Variants in TERT observed in about 807,000 individuals in gnomAD.
TERT encodes the protein telomerase reverse transcriptase, also known as telomerase catalytic subunit.
In TERT, 42 loss-of-function variants were observed where a neutral mutation model predicts 104.0. The ratio of observed to expected loss-of-function variants is 0.40; its 90% CI spans 0.32 to 0.52. TERT has a LOEUF of 0.52. TERT is among the 20% of genes least tolerant of loss of function. The pLI is 0.43. For synonymous variants in TERT, 781 were observed against 725.6 expected (o/e 1.08, Z -1.23); for missense variants, 1,101 against 1,610.3 (o/e 0.68, Z 5.41).
chr5:1,275,986 C>A (rs1373556482), intron 6 of TERT, among the ~76,000 whole-genome samples: 1 of 147,570 alleles, frequency 6.8e-6, no homozygotes, highest in Non-Finnish European at 1.5e-5. Context: ...CACATAAAAA[C>A]CAACTCCACA....
At chr5:1,282,375 G>C (rs1364129115) in intron 3 of TERT, 54 bp downstream of exon 3, 1 of 1,580,628 alleles carries the variant, frequency 6.3e-7, no homozygotes, top group Non-Finnish European at 8.7e-7. Flanking sequence ...TGCTGAGGCC[G>C]GGCTGGTGTT....
At position 1,280,176 on chromosome 5, in the gene TERT, C is replaced by G. The variant is rs148582238; in HGVS notation, c.1932G>C (p.Thr644=). The G allele has an allele frequency of 2.5e-6, 4 of 1,614,108 alleles. No homozygotes were observed. The Admixed American group carries it at 6.7e-5, about 27-fold the overall frequency. Residue 644 remains threonine (T), a synonymous_variant, in exon 4 of 16, where the codon ACG becomes ACC. Coordinates refer to ENST00000310581, the MANE Select transcript of TERT (RefSeq NM_198253.3). ...CAGCCACCCTCTTTTCTCTGCGGAA[C>G]GTTCTGGCTCCCACGACGTAGTCCA... ...VNMDYVVGAR[T]FRREKRAERL... is the part of the protein sequence containing the mutation.
chr5:1,278,453 A>C (rs925164201), intron 6 of TERT, among the ~76,000 whole-genome samples, 188 bp downstream of exon 6: 1 of 151,992 alleles, frequency 6.6e-6, no homozygotes, highest in African/African-American at 2.4e-5. Context: ...ACACACACAC[A>C]CACCACAAAT....
chr5:1,283,372 G>A (rs1464798764), intron 2 of TERT, among the ~76,000 whole-genome samples: 5 of 113,984 alleles, frequency 4.4e-5, no homozygotes, highest in African/African-American at 7.0e-5. Flanking sequence ...TGCACCATCT[G>A]GATACAGCAC....
rs577260231 is a variant in TERT, at chr5:1,280,018, G to A, written c.1950+140C>T. The stretch of plus-strand genomic sequence containing the variant: ...CGGCACCTCGGCCACCTCACTGTGC[G>A]CACAAATGGGTTGGCGCCGTGCCAT... On this transcript the variant is annotated intron_variant, in intron 4 of 15. Coordinates refer to ENST00000310581, the MANE Select transcript of TERT (RefSeq NM_198253.3). 439 of 1,142,920 alleles carry A rather than the reference G, an allele frequency of 3.8e-4. 2 individuals are homozygous for A. The highest frequency in any genetic ancestry group is 3.4e-3 in the Middle Eastern group (13 of 3,826). The allele number at this position is 1,142,920 out of a possible 1,614,324, so 70.8% of individuals were successfully genotyped here. A position where few individuals can be genotyped will look rare whatever the true frequency, so the allele number is the denominator to read the frequency against.
chr5:1,273,386 G>A (rs372973535), intron 6 of TERT, among the ~76,000 whole-genome samples: 10 of 23,268 alleles, frequency 4.3e-4, no homozygotes, highest in Admixed American at 6.6e-4. Context: ...CCCCACGACC[G>A]CCATCCACAG....
At chr5:1,253,898 A>G in intron 15 of TERT, 67 bp from the exon 16 acceptor site, 1 of 1,521,674 alleles carries the variant, frequency 6.6e-7, no homozygotes, top group Non-Finnish European at 9.0e-7. Context: ...CCCTCCTAGG[A>G]CGTGTGGGTG....
intron 4 of TERT, among the ~76,000 whole-genome samples, 181 bp from the exon 5 acceptor site, chr5:1,279,651 G>A (rs1207245643): frequency 2.6e-5 from 4 of 152,186 alleles, no homozygotes; most frequent in Admixed American, 2.6e-4. Flanking sequence ...CCGCATGTGT[G>A]TTGCACACGG....
intron 13 of TERT, among the ~76,000 whole-genome samples, chr5:1,258,120 G>A (rs111808635): frequency 7.1e-4 from 108 of 152,330 alleles, no homozygotes; most frequent in African/African-American, 2.3e-3. Flanking sequence ...ACAGGTGCTG[G>A]CCGGGCTGTG....
At chr5:1,264,086 T>G (rs968471084) in intron 11 of TERT, among the ~76,000 whole-genome samples, 23 of 152,164 alleles carry the variant, frequency 1.5e-4, no homozygotes, top group South Asian at 8.3e-4. Flanking sequence ...TTGGAGAGAC[T>G]CACGCCCAGC....
chr5:1,258,430 C>T (rs1693494493), intron 13 of TERT, among the ~76,000 whole-genome samples, 168 bp downstream of exon 13: 1 of 150,114 alleles, frequency 6.7e-6, no homozygotes, highest in Admixed American at 6.5e-5. Flanking sequence ...AGGTGCTTTG[C>T]ACAGAGCCAC....
intron 2 of TERT, among the ~76,000 whole-genome samples, chr5:1,289,093 C>T (rs1750673999): frequency 6.6e-6 from 1 of 151,944 alleles, no homozygotes; most frequent in South Asian, 2.1e-4. Context: ...CAGAGCCTCA[C>T]TCACCCTACA....
At chr5:1,293,128 C>T (rs1013231187) in intron 2 of TERT, among the ~76,000 whole-genome samples, 185 bp downstream of exon 2, 1 of 152,242 alleles carries the variant, frequency 6.6e-6, no homozygotes, top group Admixed American at 6.5e-5. Context: ...TAAGTTTATG[C>T]AAACTGGACA....
At chr5:1,264,627 G>A (rs747497183) in intron 10 of TERT, 35 bp from the exon 11 acceptor site, 21 of 1,612,048 alleles carry the variant, frequency 1.3e-5, no homozygotes, top group Admixed American at 8.3e-5. Flanking sequence ...CCCAGGATGC[G>A]GGGCCGTCAC....
intron 6 of TERT, among the ~76,000 whole-genome samples, chr5:1,273,825 G>A (rs527544655): frequency 1.3e-5 from 2 of 148,206 alleles, no homozygotes; most frequent in African/African-American, 2.5e-5. Context: ...TCAGACCCCC[G>A]TGACCGACTG....
At chr5:1,266,028 A>C (rs1418619094) in intron 10 of TERT, among the ~76,000 whole-genome samples, 1 of 152,214 alleles carries the variant, frequency 6.6e-6, no homozygotes, top group African/African-American at 2.4e-5. Context: ...GACCGCAGCG[A>C]ACGCTGTGGG....
rs1330423410 is a variant in TERT at position 1,253,540 on chromosome 5, C to T, written c.*188G>A. 18 of 623,850 alleles carry T rather than the reference C, an allele frequency of 2.9e-5. No individual in the cohort carries two copies. Among genetic ancestry groups the T allele is most frequent in the Admixed American group, 1.5e-4 (6 of 39,578 alleles). The allele number at this position is 623,850 out of a possible 1,614,324, so 38.6% of individuals were successfully genotyped here. On this transcript the variant is annotated 3_prime_UTR_variant, in exon 16 of 16. Transcript: ENST00000310581. ...GACACTCAGCCCTTGGCTGGACACT[C>T]GCTCAGGCCTCAGCCGGACACTCAG...
chr5:1,285,814 C>T (rs754854041), intron 2 of TERT, among the ~76,000 whole-genome samples: 16 of 151,906 alleles, frequency 1.1e-4, no homozygotes, highest in East Asian at 3.9e-4. Context: ...GTGATCCACC[C>T]GCCTTGGCCT....
chr5:1,293,263 A>G (rs776406654), intron 2 of TERT, 50 bp downstream of exon 2: 2 of 1,605,810 alleles, frequency 1.2e-6, no homozygotes, highest in Admixed American at 1.7e-5. Context: ...CTGAGCCCCT[A>G]CTGCATTCAG....
Sources: allele counts gnomAD v4.1 joint callset (sites outside exome capture counted in the v4.1 genomes callset), GRCh38; gene constraint gnomAD v4.1.1; transcripts MANE v1.5; gene names NCBI Gene and HGNC (gene_info 2026-07-23, HGNC 2026-07-21).